SHISA6: variants seen among roughly 807,000 people sequenced by gnomAD.
SHISA6 encodes protein shisa-6.
A neutral mutation model predicts 47.9 loss-of-function variants in SHISA6; 22 were observed. That is an observed-to-expected ratio of 0.46 (90% CI 0.33 to 0.66). The LOEUF is 0.66. Among genes scored for constraint, SHISA6 ranks in the 30% least tolerant of loss-of-function variants. The probability of loss-of-function intolerance (pLI) is 0.02; values close to 1 mark genes in which losing one functional copy is unlikely to be tolerated. For synonymous variants in SHISA6, 388 were observed against 337.8 expected, an observed-to-expected ratio of 1.15 and a Z score of -1.63; for missense variants, 680 against 764.6, an observed-to-expected ratio of 0.89 and a Z score of 1.30.
At chr17:11,459,377 A>G (rs1332254167) in intron 3 of SHISA6, among the ~76,000 whole-genome samples, 1 of 152,076 alleles carries the variant, frequency 6.6e-6, no homozygotes, top group Non-Finnish European at 1.5e-5. Context: ...AGCATTGCTC[A>G]GAGTCTGCCC....
chr17:11,245,018 A>G (rs1303861277), intron 1 of SHISA6, among the ~76,000 whole-genome samples: 2 of 152,206 alleles, frequency 1.3e-5, no homozygotes, highest in Non-Finnish European at 2.9e-5. Context: ...TCCTTAGGGT[A>G]GGACTTCCTT....
At chr17:11,446,921 C>A (rs1915254918) in intron 3 of SHISA6, among the ~76,000 whole-genome samples, 1 of 152,184 alleles carries the variant, frequency 6.6e-6, no homozygotes, top group African/African-American at 2.4e-5. Flanking sequence ...TATTCTATTT[C>A]TTTCAGTCTA....
At chr17:11,529,382 T>A (rs1411975546) in intron 3 of SHISA6, among the ~76,000 whole-genome samples, 1 of 152,080 alleles carries the variant, frequency 6.6e-6, no homozygotes, top group Non-Finnish European at 1.5e-5. Flanking sequence ...CAATATTTGG[T>A]ATAGGATTAA....
chr17:11,407,296 G>A (rs984731664), intron 3 of SHISA6, among the ~76,000 whole-genome samples: 1 of 151,994 alleles, frequency 6.6e-6, no homozygotes, highest in Non-Finnish European at 1.5e-5. Flanking sequence ...TTTGGGACCA[G>A]GTAGATTAGG....
intron 3 of SHISA6, among the ~76,000 whole-genome samples, chr17:11,480,174 AC>A (rs1217430151): frequency 6.6e-6 from 1 of 152,110 alleles, no homozygotes; most frequent in East Asian, 1.9e-4. Flanking sequence ...TTGTTCCTCT[AC>A]AGGTAAGAGT....
At chr17:11,293,265 C>T (rs949321336) in intron 2 of SHISA6, among the ~76,000 whole-genome samples, 1 of 152,074 alleles carries the variant, frequency 6.6e-6, no homozygotes, top group Non-Finnish European at 1.5e-5. Flanking sequence ...GTGATAGTGG[C>T]TTAGACAGGG....
intron 3 of SHISA6, among the ~76,000 whole-genome samples, chr17:11,440,318 G>C (rs1030055844): frequency 1.3e-5 from 2 of 152,168 alleles, no homozygotes; most frequent in Admixed American, 6.5e-5. Flanking sequence ...GTGACTTTTA[G>C]AGTTTCTTGG....
At chr17:11,537,359 G>A (rs561879242) in intron 3 of SHISA6, among the ~76,000 whole-genome samples, 30 of 150,484 alleles carry the variant, frequency 2.0e-4, no homozygotes, top group South Asian at 4.9e-4. Context: ...GGGTGGCGGC[G>A]GGGGGGATCC....
chr17:11,549,020 A>G (rs970735703), intron 3 of SHISA6, among the ~76,000 whole-genome samples: 1 of 152,234 alleles, frequency 6.6e-6, no homozygotes, highest in African/African-American at 2.4e-5. Flanking sequence ...TTTTACTACT[A>G]TAAAAATGCC....
rs2071956812 is a variant in SHISA6, at chr17:11,554,343, A to G, written c.953-1397A>G. Among the ~76,000 whole-genome samples, 2 of 152,126 alleles carry G rather than the reference A, an allele frequency of 1.3e-5. 1 individual carries two copies. Among genetic ancestry groups the G allele is most frequent in the South Asian group, 4.1e-4 (2 of 4,822 alleles). ...TATGTCCTGAGCTGGCATGAACACC[A>G]GCTCACTGGCTGAGCTTCCCTGGCT... is the stretch of plus-strand genomic sequence containing the variant. On this transcript the variant is annotated intron_variant, in intron 4 of 5. Transcript: ENST00000441885.
At chr17:11,252,319 C>T (rs1188459171) in intron 1 of SHISA6, among the ~76,000 whole-genome samples, 1 of 152,172 alleles carries the variant, frequency 6.6e-6, no homozygotes, top group East Asian at 1.9e-4. Flanking sequence ...TTCCCATTAG[C>T]TTCGGCATTA....
chr17:11,343,731 T>G (rs1438123519), intron 2 of SHISA6, among the ~76,000 whole-genome samples: 1 of 152,046 alleles, frequency 6.6e-6, no homozygotes, highest in Non-Finnish European at 1.5e-5. Flanking sequence ...GAGAGGTGAG[T>G]TGCTCTCCAG....
intron 3 of SHISA6, among the ~76,000 whole-genome samples, chr17:11,538,158 G>C (rs913956102): frequency 1.7e-4 from 26 of 152,092 alleles, no homozygotes; most frequent in Admixed American, 5.2e-4. Flanking sequence ...CTGCCTCTTG[G>C]GTTCAAGCAA....
chr17:11,311,279 C>CA (rs200852475), intron 2 of SHISA6, among the ~76,000 whole-genome samples: 204 of 52,372 alleles, frequency 3.9e-3, no homozygotes, highest in Non-Finnish European at 5.9e-3. Context: ...AAGACTTCGT[C>CA]AAAAAAAAAA....
At chr17:11,510,917 T>C (rs533606089) in intron 3 of SHISA6, among the ~76,000 whole-genome samples, 60 of 152,220 alleles carry the variant, frequency 3.9e-4, no homozygotes, top group Non-Finnish European at 7.5e-4. Flanking sequence ...GAGGTCAGCC[T>C]GGGTTCAGAC....
intron 1 of SHISA6, among the ~76,000 whole-genome samples, chr17:11,263,040 C>T (rs1011214742): frequency 6.6e-6 from 1 of 152,156 alleles, no homozygotes; most frequent in African/African-American, 2.4e-5. Flanking sequence ...ATTCCACTGG[C>T]CAGCTGCTAT....
intron 2 of SHISA6, among the ~76,000 whole-genome samples, chr17:11,350,297 A>C (rs1347428164): frequency 3.2e-5 from 1 of 31,432 alleles, no homozygotes; most frequent in Admixed American, 3.2e-4. Flanking sequence ...CTCCTGCCTC[A>C]GCCTCCCGAG....
chr17:11,354,992 C>A (rs1301663912), intron 2 of SHISA6, among the ~76,000 whole-genome samples: 1 of 152,212 alleles, frequency 6.6e-6, no homozygotes, highest in Non-Finnish European at 1.5e-5. Flanking sequence ...TCTACTCCAA[C>A]ACCTTAAATT....
chr17:11,557,634 C>T, intron 5 of SHISA6, 120 bp from the exon 6 acceptor site: 1 of 973,156 alleles, frequency 1.0e-6, no homozygotes, highest in Non-Finnish European at 1.5e-6. Context: ...AGGAGTTTGA[C>T]TGTATTATCC....
Sources: gnomAD v4.1 joint callset for allele counts (sites outside exome capture counted in the v4.1 genomes callset) on GRCh38, gnomAD v4.1.1 for gene constraint, MANE v1.5 for transcripts, NCBI Gene and HGNC (gene_info 2026-07-23, HGNC 2026-07-21) for gene names.